The following DNM3 variants were observed in gnomAD, a reference collection of about 807,000 sequenced individuals.
DNM3 encodes the protein dynamin-3.
A neutral mutation model predicts 101.6 loss-of-function variants in DNM3; 47 were observed. The observed-to-expected ratio is 0.46, with a 90% CI of 0.37 to 0.59. The LOEUF is 0.59. Ranked by LOEUF, DNM3 falls within the 20% of genes least tolerant of loss-of-function variation. The pLI is 0.00. For synonymous variants in DNM3, 385 were observed against 387.9 expected (o/e 0.99, Z 0.09); for missense variants, 849 against 1,085.7 (o/e 0.78, Z 3.06).
Position 171,847,879 on chromosome 1 carries a change from A to ACTCT in DNM3, c.161+6077_161+6080dup, listed in dbSNP as rs141950487. Among the ~76,000 whole-genome samples, 863 of 140,450 alleles carry ACTCT rather than the reference A, an allele frequency of 6.1e-3. 10 individuals are homozygous for ACTCT. Among genetic ancestry groups the ACTCT allele is most frequent in the African/African-American group, 0.021 (806 of 37,796 alleles). The allele number at this position is 140,450 out of a possible 152,430, so 92.1% of individuals were successfully genotyped here. A position where few individuals can be genotyped will look rare whatever the true frequency, so the allele number is the denominator to read the frequency against. Reference sequence around the variant, plus strand: ...AGGGTTCATTAATACCATATTAATTACTCTCTCTCTCTCTCTCTGTGTGTG... The same window carrying ACTCT: ...AGGGTTCATTAATACCATATTAATTACTCTCTCTCTCTCTCTCTCTCTGTGTGTG... On this transcript the variant is annotated intron_variant, in intron 1 of 20. Transcript: ENST00000627582.
intron 14 of DNM3, among the ~76,000 whole-genome samples, chr1:172,199,676 G>A (rs1162109676): frequency 1.3e-5 from 2 of 151,912 alleles, no homozygotes. Flanking sequence ...TGTCTTTTTT[G>A]ATATTTGTTG....
At chr1:172,034,974 A>G (rs9286842) in intron 6 of DNM3, among the ~76,000 whole-genome samples, 56,763 of 151,874 alleles carry the variant, frequency 0.37, 11,115 homozygotes, top group East Asian at 0.64. Context: ...CAGATCCGTG[A>G]GTGAAAAAAG....
At chr1:172,095,442 A>G (rs1270668065) in intron 13 of DNM3, among the ~76,000 whole-genome samples, 5 of 152,356 alleles carry the variant, frequency 3.3e-5, no homozygotes, top group African/African-American at 4.8e-5. Flanking sequence ...TATACATGAT[A>G]CAATATATTT....
downstream of DNM3, among the ~76,000 whole-genome samples, chr1:172,413,387 C>G (rs1190493016): frequency 6.6e-6 from 1 of 152,076 alleles, no homozygotes; most frequent in African/African-American, 2.4e-5. Context: ...CCACCACGCC[C>G]GGCTAATTTT....
chr1:172,329,577 G>T (rs943660035), intron 17 of DNM3, among the ~76,000 whole-genome samples: 2 of 151,988 alleles, frequency 1.3e-5, no homozygotes, highest in Admixed American at 6.6e-5. Context: ...AAAAATTAAT[G>T]AATTAGAAAA....
At chr1:172,074,757 A>G (rs991985580) in intron 11 of DNM3, among the ~76,000 whole-genome samples, 3 of 152,242 alleles carry the variant, frequency 2.0e-5, no homozygotes, top group African/African-American at 7.2e-5. Context: ...GCTATTATGA[A>G]CAGTGGTGCA....
At chr1:172,416,524 A>C (rs2071430210), downstream of DNM3, among the ~76,000 whole-genome samples, 1 of 152,138 alleles carries the variant, frequency 6.6e-6, no homozygotes, top group African/African-American at 2.4e-5. Flanking sequence ...TGTCAGTGGA[A>C]TATATTCCAA....
chr1:172,230,756 G>GGTTTTGGTT (rs1232083121), intron 14 of DNM3, among the ~76,000 whole-genome samples: 1 of 151,928 alleles, frequency 6.6e-6, no homozygotes, highest in East Asian at 1.9e-4. Context: ...CCAAAATTGT[G>GGTTTTGGTT]GTTCTAGTGG....
chr1:172,211,772 A>T (rs972938816), intron 14 of DNM3, among the ~76,000 whole-genome samples: 14 of 152,144 alleles, frequency 9.2e-5, no homozygotes, highest in African/African-American at 3.1e-4. Context: ...CTAAAACTTG[A>T]GTTTCTGCAC....
At chr1:172,368,383 A>C (rs114021592) in intron 17 of DNM3, among the ~76,000 whole-genome samples, 1 of 151,966 alleles carries the variant, frequency 6.6e-6, no homozygotes, top group Non-Finnish European at 1.5e-5. Context: ...ACCAAAGGGT[A>C]AATTAAGAAA....
intron 1 of DNM3, among the ~76,000 whole-genome samples, chr1:171,858,575 G>A (rs192242525): frequency 9.2e-5 from 14 of 152,238 alleles, no homozygotes; most frequent in Admixed American, 5.9e-4. Context: ...ATTTACCTGA[G>A]GAACTTATGA....
chr1:172,133,194 A>C, intron 14 of DNM3: 1 of 1,264,748 alleles, frequency 7.9e-7, no homozygotes, highest in Non-Finnish European at 9.9e-7. Flanking sequence ...GAGTCCTGAA[A>C]ATAAGCCCAT....
At chr1:172,043,370 C>T (rs566839714) in intron 8 of DNM3, among the ~76,000 whole-genome samples, 17 of 152,098 alleles carry the variant, frequency 1.1e-4, no homozygotes, top group Non-Finnish European at 2.5e-4. Context: ...GCCCAATAGG[C>T]AGTTGAGTAG....
rs2071080207 is a variant in DNM3, at chr1:172,409,245, T to A, written c.*1404T>A. The A allele has an allele frequency of 9.1e-6, 9 of 985,408 alleles. No homozygotes were observed. The South Asian group carries it at 4.2e-4, about 46-fold the overall frequency. The allele number at this position is 985,408 out of a possible 1,614,324, so 61.0% of individuals were successfully genotyped here. A position where few individuals can be genotyped will look rare whatever the true frequency, so the allele number is the denominator to read the frequency against. ...TGTCCCATGACACTATTTCATATTCTACAGAAGTAAATCAGGTTTCACCAA... is the reference window on the plus strand; with the variant it reads ...TGTCCCATGACACTATTTCATATTCAACAGAAGTAAATCAGGTTTCACCAA... On this transcript the variant is annotated 3_prime_UTR_variant, in exon 21 of 21. Coordinates refer to ENST00000627582, the MANE Select transcript of DNM3 (RefSeq NM_015569.5).
chr1:172,282,348 G>A (rs917674170), intron 15 of DNM3, among the ~76,000 whole-genome samples: 1 of 151,972 alleles, frequency 6.6e-6, no homozygotes, highest in African/African-American at 2.4e-5. Flanking sequence ...TGCTTTGCAT[G>A]CATTATTTCA....
intron 20 of DNM3, among the ~76,000 whole-genome samples, chr1:172,400,389 G>A (rs1260278180): frequency 6.6e-6 from 1 of 152,042 alleles, no homozygotes; most frequent in Admixed American, 6.6e-5. Flanking sequence ...GAGAAAGGAG[G>A]GGGGATAGAA....
intron 1 of DNM3, among the ~76,000 whole-genome samples, chr1:171,849,168 T>A (rs551759538): frequency 6.6e-6 from 1 of 152,216 alleles, no homozygotes; most frequent in South Asian, 2.1e-4. Flanking sequence ...ATGGTGCTTA[T>A]TTTTTTAGAT....
At position 171,945,734 on chromosome 1, in the gene DNM3, G is replaced by A. The variant is rs115169031; in HGVS notation, c.235+23913G>A. Reference sequence around the variant, plus strand: ...CTCACTCGGAAACAAGAGACAAGAGGCTAAGATTGGGAATAATGGGGATTG... The same window carrying A: ...CTCACTCGGAAACAAGAGACAAGAGACTAAGATTGGGAATAATGGGGATTG... On this transcript the variant is annotated intron_variant, in intron 2 of 20. Coordinates refer to ENST00000627582, the MANE Select transcript of DNM3 (RefSeq NM_015569.5). 4.6e-3 allele frequency among the ~76,000 whole-genome samples: 700 copies of A among 152,190 alleles called. 6 individuals are homozygous for A. Among genetic ancestry groups the A allele is most frequent in the Non-Finnish European group, 5.8e-3 (397 of 67,982 alleles).
chr1:172,327,137 G>T (rs1030227354), intron 17 of DNM3, among the ~76,000 whole-genome samples: 3 of 152,086 alleles, frequency 2.0e-5, no homozygotes, highest in African/African-American at 7.2e-5. Flanking sequence ...TTTAAGAAAA[G>T]AAGAATGAAA....
Sources: gnomAD v4.1 joint callset for allele counts (sites outside exome capture counted in the v4.1 genomes callset) on GRCh38, gnomAD v4.1.1 for gene constraint, MANE v1.5 for transcripts, NCBI Gene and HGNC (gene_info 2026-07-23, HGNC 2026-07-21) for gene names.